The following CHST11 variants were observed in gnomAD, a reference collection of about 807,000 sequenced individuals.
CHST11 encodes C4S-1.
A neutral mutation model predicts 30.4 loss-of-function variants in CHST11; 9 were observed. The observed-to-expected ratio is 0.30, with a 90% CI of 0.18 to 0.52. The LOEUF (loss-of-function observed/expected upper bound fraction) is 0.52, where lower values mean the gene tolerates loss of function less well. Ranked by LOEUF, CHST11 falls within the 20% of genes least tolerant of loss-of-function variation. The probability of loss-of-function intolerance (pLI) is 0.97; values close to 1 mark genes in which losing one functional copy is unlikely to be tolerated. For missense variants in CHST11, 348 were observed against 460.6 expected, an observed-to-expected ratio of 0.76 and a Z score of 2.24; for synonymous variants, 152 against 187.8, an observed-to-expected ratio of 0.81 and a Z score of 1.56.
chr12:104,637,724 A>G (rs1168612659), intron 2 of CHST11, among the ~76,000 whole-genome samples: 1 of 152,060 alleles, frequency 6.6e-6, no homozygotes, highest in Non-Finnish European at 1.5e-5. Context: ...GTTGCCGGAG[A>G]GACTGCATCT....
At chr12:104,724,490 G>T (rs1158223701) in intron 2 of CHST11, among the ~76,000 whole-genome samples, 1 of 152,046 alleles carries the variant, frequency 6.6e-6, no homozygotes, top group East Asian at 1.9e-4. Flanking sequence ...TTTTAAAGGG[G>T]AGACTTCTGG....
chr12:104,657,009 C>CT (rs11431861), intron 2 of CHST11, among the ~76,000 whole-genome samples: 103,449 of 148,712 alleles, frequency 0.7, 36,353 homozygotes, highest in African/African-American at 0.82. Flanking sequence ...AAACTTCATC[C>CT]TTTTTTTTTT....
At chr12:104,715,461 A>T (rs1165286827) in intron 2 of CHST11, among the ~76,000 whole-genome samples, 1 of 152,216 alleles carries the variant, frequency 6.6e-6, no homozygotes, top group African/African-American at 2.4e-5. Context: ...CCTGCATGAC[A>T]TAATCATGTG....
chr12:104,463,763 C>T (rs1219589923), intron 1 of CHST11, among the ~76,000 whole-genome samples: 1 of 152,122 alleles, frequency 6.6e-6, no homozygotes, highest in African/African-American at 2.4e-5. Context: ...AGAGCAGACA[C>T]CTGCAGGAAA....
chr12:104,562,882 C>T (rs964657485), intron 1 of CHST11, among the ~76,000 whole-genome samples: 2 of 152,138 alleles, frequency 1.3e-5, no homozygotes, highest in Non-Finnish European at 2.9e-5. Context: ...TTGGCACCTT[C>T]TCAAAGCACA....
intron 1 of CHST11, among the ~76,000 whole-genome samples, chr12:104,539,106 T>C (rs189199283): frequency 3.9e-5 from 6 of 152,336 alleles, no homozygotes; most frequent in Admixed American, 6.5e-5. Flanking sequence ...CAAAAAGTTA[T>C]CTATATATCT....
intron 1 of CHST11, among the ~76,000 whole-genome samples, chr12:104,486,283 A>G (rs553933254): frequency 2.3e-4 from 34 of 148,088 alleles, no homozygotes; most frequent in Non-Finnish European, 4.4e-4. Context: ...CATGGGGAAA[A>G]AGTGTTTTAA....
chr12:104,604,686 T>A (rs2038986788), intron 2 of CHST11, among the ~76,000 whole-genome samples: 1 of 152,230 alleles, frequency 6.6e-6, no homozygotes, highest in South Asian at 2.1e-4. Flanking sequence ...GGAATGATGT[T>A]ATCACTGAGG....
intron 1 of CHST11, among the ~76,000 whole-genome samples, chr12:104,485,773 A>G (rs1014843327): frequency 7.7e-6 from 1 of 129,350 alleles, no homozygotes; most frequent in Non-Finnish European, 1.6e-5. Context: ...GGGACTTATC[A>G]TGAGTTCTTG....
chr12:104,493,906 C>T (rs769771266), intron 1 of CHST11, among the ~76,000 whole-genome samples: 9 of 152,186 alleles, frequency 5.9e-5, no homozygotes, highest in Non-Finnish European at 2.9e-5. Context: ...TCACTGCAGC[C>T]TCCATCTCTT....
chr12:104,572,500 A>C (rs1309954828), intron 1 of CHST11, among the ~76,000 whole-genome samples: 2 of 152,330 alleles, frequency 1.3e-5, no homozygotes, highest in East Asian at 3.9e-4. Context: ...GTTTACTTGC[A>C]TAGAGGTGTT....
intron 1 of CHST11, among the ~76,000 whole-genome samples, chr12:104,554,303 G>A (rs905878529): frequency 6.6e-6 from 1 of 152,146 alleles, no homozygotes; most frequent in Non-Finnish European, 1.5e-5. Context: ...GGTTTGACAG[G>A]AGGGGCAATC....
chr12:104,461,827 A>C (rs985748431), intron 1 of CHST11, among the ~76,000 whole-genome samples: 5 of 152,176 alleles, frequency 3.3e-5, no homozygotes, highest in African/African-American at 9.7e-5. Context: ...TTTGTATTAT[A>C]ATTTTAAACG....
intron 2 of CHST11, among the ~76,000 whole-genome samples, chr12:104,706,128 A>G (rs532842780): frequency 4.6e-5 from 7 of 151,832 alleles, no homozygotes; most frequent in East Asian, 2.0e-4. Flanking sequence ...TCACGCCTGT[A>G]ATCCCAGCAC....
chr12:104,488,684 TGTATGC>T (rs1469282082), intron 1 of CHST11, among the ~76,000 whole-genome samples: 7 of 150,928 alleles, frequency 4.6e-5, no homozygotes, highest in African/African-American at 4.9e-5. Context: ...TATGCGTCTG[TGTATGC>T]GTATGTGTGT....
chr12:104,580,072 C>T (rs941325790), intron 1 of CHST11, among the ~76,000 whole-genome samples: 1 of 152,210 alleles, frequency 6.6e-6, no homozygotes, highest in African/African-American at 2.4e-5. Flanking sequence ...AAGGCCTGAA[C>T]TTTCAATAAA....
chr12:104,557,732 A>G (rs927774490), intron 1 of CHST11, among the ~76,000 whole-genome samples: 1 of 152,040 alleles, frequency 6.6e-6, no homozygotes, highest in African/African-American at 2.4e-5. Flanking sequence ...GGAGGGAAGG[A>G]AGTGGGAAGA....
chr12:104,622,059 G>A (rs926293695), intron 2 of CHST11, among the ~76,000 whole-genome samples: 2 of 152,186 alleles, frequency 1.3e-5, no homozygotes, highest in African/African-American at 2.4e-5. Context: ...CGGCAACCCC[G>A]GTGACCCCCA....
At chr12:104,579,661 C>T (rs2038720201) in intron 1 of CHST11, among the ~76,000 whole-genome samples, 1 of 152,158 alleles carries the variant, frequency 6.6e-6, no homozygotes, top group African/African-American at 2.4e-5. Context: ...GATGCGCCGC[C>T]CCTCTCCCCG....
Sources: gnomAD v4.1 joint callset for allele counts (sites outside exome capture counted in the v4.1 genomes callset) on GRCh38, gnomAD v4.1.1 for gene constraint, MANE v1.5 for transcripts, NCBI Gene and HGNC (gene_info 2026-07-23, HGNC 2026-07-21) for gene names.